Variants in PIBF1 observed in about 807,000 individuals in gnomAD.
PIBF1 encodes progesterone-induced-blocking factor 1.
Under a neutral mutation model 112.5 loss-of-function variants are expected in PIBF1, and 90 were observed. That is an observed-to-expected ratio of 0.80 (90% CI 0.67 to 0.95). PIBF1 has a LOEUF of 0.95. Ranked by LOEUF, PIBF1 falls within the 40% of genes least tolerant of loss-of-function variation. The pLI is 0.00. For missense variants in PIBF1, 915 were observed against 852.3 expected, an observed-to-expected ratio of 1.07 and a Z score of -0.92; for synonymous variants, 301 against 288.6, an observed-to-expected ratio of 1.04 and a Z score of -0.44.
At chr13:72,788,152 C>T (rs891409812) in intron 2 of PIBF1, among the ~76,000 whole-genome samples, 17 of 152,164 alleles carry the variant, frequency 1.1e-4, no homozygotes, top group African/African-American at 4.1e-4. Context: ...TCAGTGTAAG[C>T]CTGTTATTGC....
chr13:72,971,391 A>G (rs188635004), intron 15 of PIBF1, among the ~76,000 whole-genome samples: 103 of 152,322 alleles, frequency 6.8e-4, no homozygotes, highest in African/African-American at 2.2e-3. Context: ...AGGTGGTTAG[A>G]ATTCTAGAGT....
At chr13:72,897,673 C>G (rs1034964904) in intron 11 of PIBF1, among the ~76,000 whole-genome samples, 8 of 152,052 alleles carry the variant, frequency 5.3e-5, no homozygotes, top group Admixed American at 4.6e-4. Context: ...ATTCTTACAT[C>G]AGACAAAAAA....
chr13:72,825,842 G>T (rs2036783825), intron 6 of PIBF1, among the ~76,000 whole-genome samples: 1 of 150,810 alleles, frequency 6.6e-6, no homozygotes, highest in Non-Finnish European at 1.5e-5. Context: ...CAGGCAGGAG[G>T]ATCACTTGAG....
At chr13:72,917,315 A>T (rs2041137623) in intron 13 of PIBF1, 149 bp downstream of exon 13, 1 of 412,040 alleles carries the variant, frequency 2.4e-6, no homozygotes, top group East Asian at 3.8e-5. Context: ...AAACACTAAT[A>T]ATCATGTATT....
At chr13:72,910,274 T>A (rs982799474) in intron 12 of PIBF1, among the ~76,000 whole-genome samples, 2 of 152,224 alleles carry the variant, frequency 1.3e-5, no homozygotes, top group African/African-American at 2.4e-5. Context: ...TATCATATGC[T>A]GGCTTTAATG....
chr13:72,864,796 T>A (rs1272480753), intron 10 of PIBF1, among the ~76,000 whole-genome samples: 1 of 152,214 alleles, frequency 6.6e-6, no homozygotes, highest in Non-Finnish European at 1.5e-5. Context: ...TTACCACAGA[T>A]GAAGTGTGAG....
chr13:72,789,056 C>G (rs1354920675), intron 2 of PIBF1, among the ~76,000 whole-genome samples: 2 of 152,160 alleles, frequency 1.3e-5, no homozygotes, highest in Non-Finnish European at 2.9e-5. Context: ...AAAAGCTACT[C>G]AGAAGAGTAG....
intron 14 of PIBF1, among the ~76,000 whole-genome samples, chr13:72,939,976 C>T (rs2041969227): frequency 6.6e-6 from 1 of 152,056 alleles, no homozygotes; most frequent in Non-Finnish European, 1.5e-5. Context: ...GATTTTTAGT[C>T]ACTGGCTGTA....
intron 13 of PIBF1, among the ~76,000 whole-genome samples, chr13:72,929,103 A>C (rs2041625414): frequency 6.6e-6 from 1 of 152,220 alleles, no homozygotes; most frequent in Non-Finnish European, 1.5e-5. Flanking sequence ...CCCTAGTGTG[A>C]AGTTCTGTGG....
intron 9 of PIBF1, among the ~76,000 whole-genome samples, chr13:72,847,838 A>G (rs536649972): frequency 5.5e-4 from 84 of 152,356 alleles, no homozygotes; most frequent in African/African-American, 2.0e-3. Context: ...CAACCCTTCT[A>G]TTTTATGCCA....
chr13:72,798,804 C>T (rs182692504), intron 5 of PIBF1, among the ~76,000 whole-genome samples: 7 of 152,238 alleles, frequency 4.6e-5, no homozygotes, highest in African/African-American at 1.7e-4. Context: ...AAAAGGAAAA[C>T]ACTTCTAGTT....
chr13:72,791,526 T>C (rs1003319779), intron 2 of PIBF1, among the ~76,000 whole-genome samples: 2 of 152,338 alleles, frequency 1.3e-5, no homozygotes, highest in Non-Finnish European at 1.5e-5. Flanking sequence ...TTTAAGCTAA[T>C]GACAAAAGTA....
chr13:72,998,675 G>T, intron 16 of PIBF1, 147 bp from the exon 17 acceptor site: 1 of 577,918 alleles, frequency 1.7e-6, no homozygotes, highest in Non-Finnish European at 3.1e-6. Flanking sequence ...AGATTCATGT[G>T]CATGATTCTA....
chr13:73,001,339 T>C (rs2043859538), intron 17 of PIBF1, among the ~76,000 whole-genome samples: 1 of 152,348 alleles, frequency 6.6e-6, no homozygotes, highest in Admixed American at 6.5e-5. Context: ...AAGTAAGAGC[T>C]AATCATTTTA....
chr13:72,869,629 AAAT>A (rs1416358039), intron 10 of PIBF1, among the ~76,000 whole-genome samples: 31 of 151,850 alleles, frequency 2.0e-4, no homozygotes, highest in African/African-American at 7.0e-4. Context: ...TAATAATAAA[AAAT>A]AAATAATAAA....
intron 14 of PIBF1, among the ~76,000 whole-genome samples, chr13:72,944,563 G>T (rs2042098546): frequency 6.6e-6 from 1 of 152,024 alleles, no homozygotes; most frequent in South Asian, 2.1e-4. Flanking sequence ...AAATGCAGAA[G>T]TGTATTTAAT....
chr13:72,902,638 G>T (rs1250879302), intron 11 of PIBF1, among the ~76,000 whole-genome samples: 2 of 152,158 alleles, frequency 1.3e-5, no homozygotes, highest in Non-Finnish European at 2.9e-5. Context: ...AATGATGCAT[G>T]TCGCAGCATT....
intron 10 of PIBF1, among the ~76,000 whole-genome samples, chr13:72,858,390 G>A (rs1005579009): frequency 4.6e-5 from 7 of 152,098 alleles, no homozygotes; most frequent in African/African-American, 1.7e-4. Flanking sequence ...TTTCTAGTAC[G>A]TTATCCTGCA....
intron 17 of PIBF1, among the ~76,000 whole-genome samples, chr13:73,012,600 A>C (rs1358140785): frequency 6.6e-6 from 1 of 151,576 alleles, no homozygotes; most frequent in Non-Finnish European, 1.5e-5. Flanking sequence ...AAAACAAAAA[A>C]AACACTTAGC....
Sources: gnomAD v4.1 joint callset for allele counts (sites outside exome capture counted in the v4.1 genomes callset) on GRCh38, gnomAD v4.1.1 for gene constraint, MANE v1.5 for transcripts, NCBI Gene and HGNC (gene_info 2026-07-23, HGNC 2026-07-21) for gene names.